Variants in SEM1 observed in about 807,000 individuals in gnomAD.
SEM1 encodes the protein SEM1 26S proteasome subunit.
In SEM1, 3 loss-of-function variants were observed where a neutral mutation model predicts 12.7. That is an observed-to-expected ratio of 0.24 (90% CI 0.11 to 0.61). SEM1 has a LOEUF of 0.61. Ranked by LOEUF, SEM1 falls within the 20% of genes least tolerant of loss-of-function variation. The pLI, the probability that SEM1 is intolerant of heterozygous loss-of-function variation, is 0.88. For synonymous variants in SEM1, 30 were observed against 27.8 expected, an observed-to-expected ratio of 1.08 and a Z score of -0.25; for missense variants, 59 against 81.3, an observed-to-expected ratio of 0.73 and a Z score of 1.06.
intron 1 of SEM1, among the ~76,000 whole-genome samples, chr7:96,707,258 G>A (rs534079620): frequency 4.7e-4 from 72 of 152,250 alleles, no homozygotes; most frequent in Non-Finnish European, 7.9e-4. Flanking sequence ...AAAACATGTC[G>A]GAAATGTAGA....
intron 2 of SEM1, among the ~76,000 whole-genome samples, chr7:96,644,749 A>C (rs1404681369): frequency 1.3e-5 from 2 of 152,100 alleles, no homozygotes; most frequent in Admixed American, 6.6e-5. Context: ...AGCTTTCCTG[A>C]AAGTTGGGCA....
intron 2 of SEM1, among the ~76,000 whole-genome samples, chr7:96,667,614 T>C (rs1424605456): frequency 6.6e-6 from 1 of 152,188 alleles, no homozygotes; most frequent in East Asian, 1.9e-4. Flanking sequence ...GGGATGTTTT[T>C]TCTCTAGGGT....
chr7:96,652,852 C>T (rs1297440724), intron 2 of SEM1, among the ~76,000 whole-genome samples: 1 of 152,170 alleles, frequency 6.6e-6, no homozygotes, highest in Non-Finnish European at 1.5e-5. Context: ...TCCCCCTTTT[C>T]TTTGTTTCCA....
intron 2 of SEM1, among the ~76,000 whole-genome samples, chr7:96,693,626 G>A (rs1047083308): frequency 2.6e-5 from 4 of 151,918 alleles, no homozygotes; most frequent in African/African-American, 9.7e-5. Context: ...CAAGGATGTG[G>A]AGAGACTGAA....
intron 2 of SEM1, among the ~76,000 whole-genome samples, chr7:96,541,431 GTTTT>G (rs55863103): frequency 1.9e-4 from 23 of 121,508 alleles, no homozygotes; most frequent in African/African-American, 8.8e-4. Context: ...TTTTTAATGG[GTTTT>G]TTTTTTTGTT....
At chr7:96,540,069 TA>T (rs139185221) in intron 2 of SEM1, among the ~76,000 whole-genome samples, 3,292 of 151,192 alleles carry the variant, frequency 0.022, 132 homozygotes, top group African/African-American at 0.076. Context: ...ACAACTTATA[TA>T]AAAAATTGAA....
intron 2 of SEM1, among the ~76,000 whole-genome samples, chr7:96,694,521 T>C (rs148683370): frequency 1.8e-3 from 276 of 152,086 alleles, no homozygotes; most frequent in African/African-American, 6.2e-3. Context: ...AAAATTAACA[T>C]TGACAGAATT....
At chr7:96,637,936 G>A (rs1808478787) in intron 2 of SEM1, among the ~76,000 whole-genome samples, 2 of 151,814 alleles carry the variant, frequency 1.3e-5, no homozygotes, top group African/African-American at 4.8e-5. Flanking sequence ...CACCTTCCTT[G>A]AGCTTCCAAG....
chr7:96,654,400 T>C (rs1468781693), intron 2 of SEM1, among the ~76,000 whole-genome samples: 1 of 152,212 alleles, frequency 6.6e-6, no homozygotes, highest in Non-Finnish European at 1.5e-5. Flanking sequence ...CAACTTATGA[T>C]GGTTCAACTT....
chr7:96,648,715 T>C (rs1808877278), intron 2 of SEM1, among the ~76,000 whole-genome samples: 1 of 152,190 alleles, frequency 6.6e-6, no homozygotes, highest in Non-Finnish European at 1.5e-5. Context: ...GAATTTTGGA[T>C]GGATACTTGT....
chr7:96,687,472 T>C (rs1477839518), downstream of SEM1, among the ~76,000 whole-genome samples: 3 of 152,264 alleles, frequency 2.0e-5, no homozygotes, highest in South Asian at 2.1e-4. Flanking sequence ...GATGAGTTCA[T>C]GTCCTTTGTA....
chr7:96,652,524 C>T (rs1484158060), intron 2 of SEM1, among the ~76,000 whole-genome samples: 1 of 151,566 alleles, frequency 6.6e-6, no homozygotes, highest in Non-Finnish European at 1.5e-5. Context: ...AAGATATATG[C>T]TACATAAATG....
At chr7:96,518,000 A>G (rs1199794197) in intron 2 of SEM1, among the ~76,000 whole-genome samples, 1 of 152,138 alleles carries the variant, frequency 6.6e-6, no homozygotes, top group African/African-American at 2.4e-5. Context: ...GACAGAAGGC[A>G]TTAGGCCAGA....
At chr7:96,485,792 G>C (rs756228758) in intron 2 of SEM1, among the ~76,000 whole-genome samples, 1 of 151,830 alleles carries the variant, frequency 6.6e-6, no homozygotes. Flanking sequence ...TGTCCACCTC[G>C]GCCTTGCAAA....
downstream of SEM1, among the ~76,000 whole-genome samples, chr7:96,686,293 G>A (rs1018377302): frequency 6.6e-6 from 1 of 151,664 alleles, no homozygotes; most frequent in African/African-American, 2.4e-5. Context: ...ACCAATTTTC[G>A]GGTACCCAAT....
chr7:96,498,341 C>T (rs546841459), upstream of SEM1, among the ~76,000 whole-genome samples: 1 of 149,664 alleles, frequency 6.7e-6, no homozygotes, highest in Admixed American at 6.7e-5. Context: ...AATTACACGT[C>T]GTTTTGTGTA....
chr7:96,692,411 AAC>A (rs1789956391), intron 2 of SEM1, among the ~76,000 whole-genome samples: 3 of 152,204 alleles, frequency 2.0e-5, no homozygotes, highest in Admixed American at 1.3e-4. Flanking sequence ...CGTGATTAAA[AAC>A]ACAGAGTAGA....
chr7:96,689,900 T>C (rs1057477397), intron 2 of SEM1, among the ~76,000 whole-genome samples: 1 of 152,178 alleles, frequency 6.6e-6, no homozygotes, highest in Non-Finnish European at 1.5e-5. Context: ...TTTGGGCCCT[T>C]CCCCTGCCCC....
At chr7:96,501,220 T>G (rs1803526616), upstream of SEM1, among the ~76,000 whole-genome samples, 1 of 152,094 alleles carries the variant, frequency 6.6e-6, no homozygotes, top group African/African-American at 2.4e-5. Context: ...GCCACAGAAG[T>G]CTCAGTAGGT....
Sources: gnomAD v4.1 joint callset for allele counts (sites outside exome capture counted in the v4.1 genomes callset) on GRCh38, gnomAD v4.1.1 for gene constraint, MANE v1.5 for transcripts, NCBI Gene and HGNC (gene_info 2026-07-23, HGNC 2026-07-21) for gene names.